Variants in NUP107 observed in about 807,000 individuals in gnomAD.
NUP107 encodes nucleoporin 107.
A neutral mutation model predicts 141.0 loss-of-function variants in NUP107; 101 were observed. That is an observed-to-expected ratio of 0.72 (90% CI 0.61 to 0.84). NUP107 has a LOEUF of 0.84. Among genes scored for constraint, NUP107 ranks in the 40% least tolerant of loss-of-function variants. The probability of loss-of-function intolerance (pLI) is 0.00; values close to 1 mark genes in which losing one functional copy is unlikely to be tolerated. For missense variants in NUP107, 941 were observed against 1,102.7 expected (o/e 0.85, Z 2.08); for synonymous variants, 319 against 363.9 (o/e 0.88, Z 1.41).
chr12:68,738,629 G>T (rs932786742), intron 26 of NUP107, among the ~76,000 whole-genome samples: 1 of 152,132 alleles, frequency 6.6e-6, no homozygotes, highest in Non-Finnish European at 1.5e-5. Flanking sequence ...TGCTGTTTTC[G>T]TATAGCTACC....
intron 4 of NUP107, 122 bp from the exon 5 acceptor site, chr12:68,691,841 GAAAAA>G: frequency 2.1e-5 from 12 of 576,112 alleles, no homozygotes; most frequent in Non-Finnish European, 2.6e-5. Context: ...CTCAAGAAGG[GAAAAA>G]AAAAAAAAAA....
Position 68,732,652 on chromosome 12 carries a change from A to C in NUP107, c.2014A>C (p.Ile672Leu), listed in dbSNP as rs1877882439. The part of the protein sequence containing the change: ...TGTTEEDRLK[I>L]DVIDWLVFDP... Reference sequence around the variant, plus strand: ...TAATAAATAGGAGGATCGTTTAAAAATTGATGTAATTGACTGGTTGGTATT... The same window carrying C: ...TAATAAATAGGAGGATCGTTTAAAACTTGATGTAATTGACTGGTTGGTATT... The change falls in exon 23 of 28, where the codon ATT becomes CTT. Residue 672 changes from isoleucine (I) to leucine (L), a missense_variant. By Grantham distance (5) the Ile-to-Leu change is conservative (BLOSUM62 2). Transcript: ENST00000229179. 12 of 1,594,192 alleles carry C rather than the reference A, an allele frequency of 7.5e-6. No homozygotes were observed. Among genetic ancestry groups the C allele is most frequent in the African/African-American group, 1.3e-5 (1 of 74,384 alleles).
chr12:68,713,813 A>G lies in NUP107; in HGVS notation c.969+5A>G, dbSNP rs1201847116. On this transcript the variant is annotated splice_donor_5th_base_variant and intron_variant, in intron 11 of 27. Coordinates refer to ENST00000229179, the MANE Select transcript of NUP107 (RefSeq NM_020401.4). ...CGTCCGCTTGTCACTGAATTGGTAA[A>G]TGTTCTTTGAAATGAAAGTTGCCTT... is the stretch of plus-strand genomic sequence containing the variant. 2.5e-6 allele frequency: 4 copies of G among 1,591,830 alleles called. No individual in the cohort carries two copies. The highest frequency in any genetic ancestry group is 1.2e-5 in the South Asian group (1 of 85,776).
chr12:68,737,364 A>G (rs1878119728), intron 26 of NUP107, among the ~76,000 whole-genome samples: 1 of 152,010 alleles, frequency 6.6e-6, no homozygotes, highest in South Asian at 2.1e-4. Flanking sequence ...CAGGAGCTTG[A>G]GACCAGCCTG....
chr12:68,722,013 A>C, intron 16 of NUP107, 27 bp downstream of exon 16: 1 of 1,613,014 alleles, frequency 6.2e-7, no homozygotes, highest in Middle Eastern at 1.7e-4. Context: ...GTTTTGAGTC[A>C]TGGTGATTTG....
chr12:68,735,082 A>T (rs920638482), intron 25 of NUP107, 149 bp from the exon 26 acceptor site: 5 of 693,192 alleles, frequency 7.2e-6, no homozygotes, highest in African/African-American at 5.4e-5. Flanking sequence ...ACTTAACTGC[A>T]GTCTGTTGAT....
intron 8 of NUP107, among the ~76,000 whole-genome samples, 171 bp from the exon 9 acceptor site, chr12:68,709,067 A>G (rs1339702758): frequency 6.6e-6 from 1 of 152,248 alleles, no homozygotes; most frequent in Non-Finnish European, 1.5e-5. Context: ...AATTTACACA[A>G]TAGATACCTT....
intron 10 of NUP107, among the ~76,000 whole-genome samples, chr12:68,711,409 A>G (rs1409784922): frequency 6.6e-5 from 10 of 151,696 alleles, no homozygotes; most frequent in African/African-American, 2.4e-4. Context: ...TTTTTAAAGT[A>G]GGAGATCCTG....
At chr12:68,693,994 C>G (rs1047021790) in intron 5 of NUP107, among the ~76,000 whole-genome samples, 9 of 152,216 alleles carry the variant, frequency 5.9e-5, no homozygotes, top group African/African-American at 1.9e-4. Flanking sequence ...TAAATAGTTA[C>G]AATAATTATT....
At chr12:68,705,772 C>T (rs542818602) in intron 8 of NUP107, 269 of 738,084 alleles carry the variant, frequency 3.6e-4, no homozygotes, top group Non-Finnish European at 6.3e-4. Flanking sequence ...CAGCAGTTTC[C>T]GGGGTAGCCT....
chr12:68,706,313 CTG>C (rs1454153760), intron 8 of NUP107: 1 of 1,142,412 alleles, frequency 8.8e-7, no homozygotes, highest in African/African-American at 1.5e-5. Flanking sequence ...CCTCAGGCAA[CTG>C]TATGAAGAGG....
At chr12:68,732,097 C>G (rs1317264699) in intron 22 of NUP107, among the ~76,000 whole-genome samples, 1 of 152,086 alleles carries the variant, frequency 6.6e-6, no homozygotes, top group Admixed American at 6.6e-5. Flanking sequence ...GTAAGGCATA[C>G]AATATATAAT....
chr12:68,741,675 G>A (rs1341873417), intron 26 of NUP107, 138 bp from the exon 27 acceptor site: 4 of 641,104 alleles, frequency 6.2e-6, no homozygotes, highest in Middle Eastern at 4.3e-4. Flanking sequence ...TGTAGTCTAC[G>A]TTGTTCATCT....
At chr12:68,706,295 A>C (rs1030251198) in intron 8 of NUP107, 2 of 915,244 alleles carry the variant, frequency 2.2e-6, no homozygotes, top group African/African-American at 3.2e-5. Context: ...TACTGAAGAG[A>C]TCAGCTTCCT....
chr12:68,710,733 A>T (rs1029496768), intron 10 of NUP107, among the ~76,000 whole-genome samples: 10 of 152,204 alleles, frequency 6.6e-5, no homozygotes, highest in African/African-American at 2.4e-4. Context: ...ATACAAATTT[A>T]AAAATATAGT....
intron 6 of NUP107, among the ~76,000 whole-genome samples, chr12:68,697,624 TAAAC>T (rs1246010565): frequency 1.3e-5 from 2 of 151,844 alleles, no homozygotes; most frequent in Admixed American, 6.6e-5. Flanking sequence ...TCCTGGAACT[TAAAC>T]AAAATAAAAC....
chr12:68,697,662 C>T (rs1354815439), intron 6 of NUP107, among the ~76,000 whole-genome samples: 2 of 152,020 alleles, frequency 1.3e-5, no homozygotes, highest in Non-Finnish European at 2.9e-5. Flanking sequence ...AATGAACAAT[C>T]TAGTTAAAAA....
intron 5 of NUP107, among the ~76,000 whole-genome samples, chr12:68,694,999 C>G (rs886896025): frequency 6.6e-6 from 1 of 152,168 alleles, no homozygotes; most frequent in African/African-American, 2.4e-5. Context: ...TCAAATGTCA[C>G]TAATCATTAG....
chr12:68,691,831 C>G, intron 4 of NUP107, 137 bp from the exon 5 acceptor site: 1 of 710,720 alleles, frequency 1.4e-6, no homozygotes, highest in East Asian at 3.0e-5. Context: ...CAGACCTTAT[C>G]TCAAGAAGGG....
Sources: gnomAD v4.1 joint callset for allele counts (sites outside exome capture counted in the v4.1 genomes callset) on GRCh38, gnomAD v4.1.1 for gene constraint, MANE v1.5 for transcripts, NCBI Gene and HGNC (gene_info 2026-07-23, HGNC 2026-07-21) for gene names.